FAT3: variants seen among roughly 807,000 people sequenced by gnomAD.
The protein encoded by FAT3 is protocadherin Fat 3.
In FAT3, 95 loss-of-function variants were observed where a neutral mutation model predicts 310.2. The ratio of observed to expected loss-of-function variants is 0.31; its 90% CI spans 0.26 to 0.36. The LOEUF (loss-of-function observed/expected upper bound fraction) is 0.36. FAT3 is among the 10% of genes least tolerant of loss of function. The probability of loss-of-function intolerance (pLI) is 1.00; values close to 1 mark genes in which losing one functional copy is unlikely to be tolerated. For missense variants in FAT3, 5,408 were observed against 5,715.6 expected, an observed-to-expected ratio of 0.95 and a Z score of 1.74; for synonymous variants, 2,314 against 2,192.9, an observed-to-expected ratio of 1.06 and a Z score of -1.54.
At chr11:92,530,385 C>A (rs931954146) in intron 3 of FAT3, among the ~76,000 whole-genome samples, 1 of 152,032 alleles carries the variant, frequency 6.6e-6, no homozygotes, top group Non-Finnish European at 1.5e-5. Context: ...CCCAGAGACA[C>A]CTGAGGACAA....
intron 3 of FAT3, among the ~76,000 whole-genome samples, chr11:92,653,022 G>A (rs1022936796): frequency 2.0e-5 from 3 of 152,258 alleles, no homozygotes; most frequent in Admixed American, 6.5e-5. Flanking sequence ...AGCTGGGCAT[G>A]GTGGCACATG....
In FAT3 at chr11:92,883,750, T is replaced by G. The variant is rs1469989670; in HGVS notation, c.12937+357T>G. ...AAAGAAGAAAGTATACTAGTTATTG[T>G]GTATAAATTATAATAGTGTGTGTGT... is the stretch of plus-strand genomic sequence containing the variant. On this transcript the variant is annotated intron_variant, in intron 24 of 27. Transcript: ENST00000525166. The surrounding 1 kb of genome is among the most constrained non-coding windows in gnomAD (Gnocchi z 4.2). Among the ~76,000 whole-genome samples, 1 of 152,172 alleles carries G rather than the reference T, an allele frequency of 6.6e-6. No homozygotes were observed. Among genetic ancestry groups the G allele is most frequent in the African/African-American group, 2.4e-5 (1 of 41,434 alleles).
chr11:92,562,242 ACCT>A (rs916255199), intron 3 of FAT3, among the ~76,000 whole-genome samples: 2 of 152,160 alleles, frequency 1.3e-5, no homozygotes, highest in Admixed American at 1.3e-4. Flanking sequence ...CATATACAAT[ACCT>A]CCTATTTGTA....
At chr11:92,859,676 A>G (rs1949073818) in intron 21 of FAT3, among the ~76,000 whole-genome samples, 1 of 152,102 alleles carries the variant, frequency 6.6e-6, no homozygotes, top group Non-Finnish European at 1.5e-5. Context: ...TTTCTACCAC[A>G]TGGGTCTATC....
At chr11:92,885,675 G>T (rs1400535099) in intron 24 of FAT3, among the ~76,000 whole-genome samples, 1 of 151,984 alleles carries the variant, frequency 6.6e-6, no homozygotes, top group Non-Finnish European at 1.5e-5. Context: ...TTTTTATTTA[G>T]CAATAAAAAA....
intron 3 of FAT3, among the ~76,000 whole-genome samples, chr11:92,548,041 A>C (rs892338411): frequency 6.6e-6 from 1 of 152,142 alleles, no homozygotes; most frequent in Non-Finnish European, 1.5e-5. Flanking sequence ...TGATTTATAG[A>C]ATATTTGTTC....
At chr11:92,500,689 A>G (rs961010924) in intron 2 of FAT3, among the ~76,000 whole-genome samples, 1 of 152,022 alleles carries the variant, frequency 6.6e-6, no homozygotes, top group Non-Finnish European at 1.5e-5. Flanking sequence ...AATAGGTAAT[A>G]GTGTAATCGG....
rs1948597810 is a variant in FAT3, at chr11:92,352,571, T to C, written c.459T>C (p.Asp153=). ...ATATACAGGTTTTAGATATGAATGA[T>C]CTGAGACCTTTGTTTTCACCCACAA... ...KVNIQVLDMN[D]LRPLFSPTTY... is the part of the protein sequence containing the mutation. The change falls in exon 2 of 28, where the codon GAT becomes GAC. Residue 153 remains aspartate (D), a synonymous_variant. Coordinates refer to ENST00000525166, the MANE Select transcript of FAT3 (RefSeq NM_001367949.2). 1.2e-6 allele frequency: 2 copies of C among 1,613,668 alleles called. No homozygotes were observed. The highest frequency in any genetic ancestry group is 8.5e-7 in the Non-Finnish European group (1 of 1,179,860).
At chr11:92,562,766 A>G (rs1955279496) in intron 3 of FAT3, among the ~76,000 whole-genome samples, 1 of 152,182 alleles carries the variant, frequency 6.6e-6, no homozygotes, top group African/African-American at 2.4e-5. Context: ...ATAGGAGAAG[A>G]TGTTGATGTT....
At chr11:92,717,779 G>C (rs1257622041) in intron 4 of FAT3, among the ~76,000 whole-genome samples, 1 of 152,140 alleles carries the variant, frequency 6.6e-6, no homozygotes, top group Non-Finnish European at 1.5e-5. Flanking sequence ...GGACAAAGAT[G>C]AGTAAGATTT....
intron 3 of FAT3, among the ~76,000 whole-genome samples, chr11:92,525,721 A>G (rs534469856): frequency 3.9e-5 from 6 of 152,142 alleles, no homozygotes; most frequent in Non-Finnish European, 8.8e-5. Context: ...ATTCTTTGAA[A>G]TTTAGAATAA....
intron 1 of FAT3, among the ~76,000 whole-genome samples, chr11:92,291,080 T>TACACACAC (rs141883138): frequency 0.16 from 23,095 of 142,698 alleles, 1,867 homozygotes; most frequent in East Asian, 0.2. Context: ...CTTTTTATTC[T>TACACACAC]ACACACACAC....
intron 19 of FAT3, among the ~76,000 whole-genome samples, chr11:92,851,674 C>G (rs1039101628): frequency 1.3e-5 from 2 of 152,074 alleles, no homozygotes; most frequent in African/African-American, 4.8e-5. Flanking sequence ...GAAGTGGGAC[C>G]CTTCCCCCTT....
intron 4 of FAT3, among the ~76,000 whole-genome samples, chr11:92,726,633 A>C (rs1945009655): frequency 6.6e-6 from 1 of 152,112 alleles, no homozygotes; most frequent in Admixed American, 6.6e-5. Flanking sequence ...TGCCAGAAGC[A>C]CCAAATTGTG....
chr11:92,416,468 G>C (rs1215536031), intron 2 of FAT3, among the ~76,000 whole-genome samples: 1 of 151,994 alleles, frequency 6.6e-6, no homozygotes, highest in Non-Finnish European at 1.5e-5. Context: ...ACTCAAGTTA[G>C]TGTATTTTAT....
At position 92,894,714 on chromosome 11, in the gene FAT3, T is replaced by TA. The variant is rs1949988961; in HGVS notation, c.*3601_*3602insA. ...TCTATGCCAGCTTTCCATGTACCCT[T>TA]GGCCTGCCTATTCATGAAATGCCAT... On this transcript the variant is annotated 3_prime_UTR_variant, in exon 28 of 28. Transcript: ENST00000525166. The TA allele has an allele frequency of 6.6e-6, 1 of 152,216 alleles. No individual in the cohort carries two copies. Among genetic ancestry groups the TA allele is most frequent in the South Asian group, 2.1e-4 (1 of 4,834 alleles). The allele number at this position is 152,216 out of a possible 1,614,324, so 9.4% of individuals were successfully genotyped here. A position where few individuals can be genotyped will look rare whatever the true frequency, so the allele number is the denominator to read the frequency against.
intron 3 of FAT3, among the ~76,000 whole-genome samples, chr11:92,560,894 G>C (rs1271986750): frequency 6.6e-6 from 1 of 151,950 alleles, no homozygotes; most frequent in Non-Finnish European, 1.5e-5. Flanking sequence ...CCCTCTAATT[G>C]GCCTTATAAA....
chr11:92,547,270 A>G (rs1296544460), intron 3 of FAT3, among the ~76,000 whole-genome samples: 4 of 152,172 alleles, frequency 2.6e-5, no homozygotes, highest in African/African-American at 7.2e-5. Flanking sequence ...TGAAGTTGCC[A>G]TATTGCATTC....
intron 1 of FAT3, among the ~76,000 whole-genome samples, chr11:92,262,990 CTT>C (rs906319856): frequency 6.8e-6 from 1 of 146,664 alleles, no homozygotes. Flanking sequence ...AGTTTTCTCT[CTT>C]TTTTTTTTTA....
Sources: gnomAD v4.1 joint callset for allele counts (sites outside exome capture counted in the v4.1 genomes callset) on GRCh38, gnomAD v4.1.1 for gene constraint, Gnocchi (gnomAD v3.1) non-coding constraint, MANE v1.5 for transcripts, NCBI Gene and HGNC (gene_info 2026-07-23, HGNC 2026-07-21) for gene names.